CPQ: variants seen among roughly 807,000 people sequenced by gnomAD.
CPQ encodes Ser-Met dipeptidase.
CPQ carries 37 observed loss-of-function variants against 45.7 expected under a neutral mutation model. That is an observed-to-expected ratio of 0.81 (90% CI 0.62 to 1.07). The LOEUF (loss-of-function observed/expected upper bound fraction) is 1.07. Among genes scored for constraint, CPQ ranks in the 50% least tolerant of loss-of-function variants. CPQ has a pLI of 0.00. For synonymous variants in CPQ, 186 were observed against 205.8 expected, an observed-to-expected ratio of 0.90 and a Z score of 0.82; for missense variants, 537 against 572.9, an observed-to-expected ratio of 0.94 and a Z score of 0.64.
At chr8:96,850,024 C>T (rs1262999553) in intron 3 of CPQ, among the ~76,000 whole-genome samples, 1 of 152,152 alleles carries the variant, frequency 6.6e-6, no homozygotes, top group East Asian at 1.9e-4. Flanking sequence ...TCAGACTACA[C>T]CCAGCCTTCC....
chr8:97,020,338 C>A (rs559886332), intron 5 of CPQ, among the ~76,000 whole-genome samples: 3 of 152,002 alleles, frequency 2.0e-5, no homozygotes, highest in African/African-American at 7.2e-5. Context: ...CAAAAACAAA[C>A]CAAACCCAAA....
At chr8:96,652,590 C>T (rs956403300) in intron 1 of CPQ, among the ~76,000 whole-genome samples, 15 of 152,148 alleles carry the variant, frequency 9.9e-5, no homozygotes, top group African/African-American at 3.6e-4. Context: ...ACATTCCCAT[C>T]AACAATGTAT....
chr8:97,115,356 T>A (rs1352718885), intron 7 of CPQ, among the ~76,000 whole-genome samples: 2 of 152,230 alleles, frequency 1.3e-5, no homozygotes, highest in Non-Finnish European at 2.9e-5. Flanking sequence ...TCAGGGAAAC[T>A]GTTGAAGGTT....
chr8:96,917,216 T>G (rs1268492800), intron 4 of CPQ, among the ~76,000 whole-genome samples: 1 of 152,166 alleles, frequency 6.6e-6, no homozygotes, highest in Admixed American at 6.5e-5. Flanking sequence ...TGTATATATA[T>G]ATTATCCATA....
At position 96,698,218 on chromosome 8, in the gene CPQ, A is replaced by G. The variant is rs1809411713; in HGVS notation, c.-35+52816A>G. 2.0e-5 allele frequency among the ~76,000 whole-genome samples: 3 copies of G among 152,082 alleles called. No individual in the cohort carries two copies. The South Asian group carries it at 6.2e-4, about 31-fold the overall frequency. ...ATACATCTATGGTGAATTTATTTTTAGCAGAGGAACCAAGAACATATATTG... is the reference window on the plus strand; with the variant it reads ...ATACATCTATGGTGAATTTATTTTTGGCAGAGGAACCAAGAACATATATTG... On this transcript the variant is annotated intron_variant, in intron 1 of 7. Coordinates refer to ENST00000220763, the MANE Select transcript of CPQ (RefSeq NM_016134.4).
At chr8:97,100,008 T>C (rs1811276139) in intron 7 of CPQ, among the ~76,000 whole-genome samples, 1 of 152,190 alleles carries the variant, frequency 6.6e-6, no homozygotes, top group South Asian at 2.1e-4. Flanking sequence ...GATTTAATGA[T>C]AAGCTGTACA....
intron 4 of CPQ, among the ~76,000 whole-genome samples, chr8:96,935,215 A>G (rs1253454777): frequency 2.6e-5 from 4 of 152,176 alleles, no homozygotes; most frequent in Admixed American, 6.5e-5. Context: ...TAATGGCAAC[A>G]GGCTTATATC....
chr8:97,059,923 A>C (rs954863064), intron 6 of CPQ, among the ~76,000 whole-genome samples: 1 of 152,190 alleles, frequency 6.6e-6, no homozygotes, highest in Non-Finnish European at 1.5e-5. Context: ...CTACATGATT[A>C]ATTCAAATAG....
intron 1 of CPQ, among the ~76,000 whole-genome samples, chr8:96,718,272 A>G (rs1053516202): frequency 2.9e-4 from 44 of 152,186 alleles, no homozygotes; most frequent in African/African-American, 1.0e-3. Flanking sequence ...ACTGACTTCA[A>G]GAATGAAGCC....
intron 4 of CPQ, among the ~76,000 whole-genome samples, chr8:96,951,305 C>T (rs1813260881): frequency 6.6e-6 from 1 of 152,110 alleles, no homozygotes; most frequent in Non-Finnish European, 1.5e-5. Context: ...ACTTTTGATG[C>T]TTTCTCTAAG....
intron 5 of CPQ, among the ~76,000 whole-genome samples, chr8:96,996,733 C>T (rs1809184663): frequency 1.3e-5 from 2 of 151,904 alleles, no homozygotes; most frequent in South Asian, 4.1e-4. Flanking sequence ...TGCAATTTGT[C>T]TATTTTTTTC....
At chr8:97,067,543 G>A (rs1380672635) in intron 7 of CPQ, among the ~76,000 whole-genome samples, 1 of 152,040 alleles carries the variant, frequency 6.6e-6, no homozygotes, top group Non-Finnish European at 1.5e-5. Context: ...AGGCTGCAAA[G>A]TAGATTTTAC....
At chr8:97,008,883 C>T (rs1586491963) in intron 5 of CPQ, among the ~76,000 whole-genome samples, 1 of 152,094 alleles carries the variant, frequency 6.6e-6, no homozygotes, top group Admixed American at 6.5e-5. Context: ...CAAAGAAAAA[C>T]GTCTTTGCCC....
intron 1 of CPQ, among the ~76,000 whole-genome samples, chr8:96,715,662 G>A (rs1329260044): frequency 6.6e-6 from 1 of 152,192 alleles, no homozygotes; most frequent in African/African-American, 2.4e-5. Flanking sequence ...TCCCTGTGGA[G>A]TGCAGCACTT....
At chr8:96,927,240 A>G (rs1812904781) in intron 4 of CPQ, among the ~76,000 whole-genome samples, 1 of 152,200 alleles carries the variant, frequency 6.6e-6, no homozygotes, top group Non-Finnish European at 1.5e-5. Context: ...TGAGGAAGCA[A>G]GAATGAATGA....
At chr8:96,680,031 A>C (rs1344306786) in intron 1 of CPQ, among the ~76,000 whole-genome samples, 1 of 151,780 alleles carries the variant, frequency 6.6e-6, no homozygotes, top group Non-Finnish European at 1.5e-5. Flanking sequence ...AAATCTTTCT[A>C]CTTTTTTGAG....
chr8:96,865,646 T>C (rs1811987544), intron 3 of CPQ, among the ~76,000 whole-genome samples: 1 of 152,058 alleles, frequency 6.6e-6, no homozygotes, highest in Admixed American at 6.6e-5. Flanking sequence ...TTTGACAGAC[T>C]TAGTTAGAAA....
intron 7 of CPQ, among the ~76,000 whole-genome samples, chr8:97,090,600 C>G (rs959499875): frequency 2.6e-5 from 4 of 152,038 alleles, no homozygotes; most frequent in African/African-American, 9.7e-5. Context: ...TTCACATTTC[C>G]CACACTCAGA....
intron 3 of CPQ, among the ~76,000 whole-genome samples, chr8:96,877,313 C>G (rs928832492): frequency 6.6e-6 from 1 of 152,162 alleles, no homozygotes; most frequent in African/African-American, 2.4e-5. Context: ...AGTGCCGTCT[C>G]CTCAGCTGAG....
Sources: allele counts gnomAD v4.1 joint callset (sites outside exome capture counted in the v4.1 genomes callset), GRCh38; gene constraint gnomAD v4.1.1; transcripts MANE v1.5; gene names NCBI Gene and HGNC (gene_info 2026-07-23, HGNC 2026-07-21).